The following ASCC3 variants were observed in gnomAD, a reference collection of about 807,000 sequenced individuals.
ASCC3 encodes activating signal cointegrator 1 complex subunit 3.
In ASCC3, 158 loss-of-function variants were observed where a neutral mutation model predicts 256.3. The ratio of observed to expected loss-of-function variants is 0.62; its 90% CI spans 0.54 to 0.70. The LOEUF is 0.70. Among genes scored for constraint, ASCC3 ranks in the 30% least tolerant of loss-of-function variants. The pLI, the probability that ASCC3 is intolerant of heterozygous loss-of-function variation, is 0.00. For synonymous variants in ASCC3, 948 were observed against 883.4 expected (o/e 1.07, Z -1.30); for missense variants, 2,259 against 2,626.0 (o/e 0.86, Z 3.05).
Position 100,519,106 on chromosome 6 carries a change from C to CTA in ASCC3, c.5776-966_5776-965dup, listed in dbSNP as rs557802721. 7.2e-5 allele frequency among the ~76,000 whole-genome samples: 11 copies of CTA among 152,096 alleles called. No individual in the cohort carries two copies. The East Asian group carries it at 2.1e-3, about 29-fold the overall frequency. On this transcript the variant is annotated intron_variant, in intron 37 of 41. Transcript: ENST00000369162. The stretch of plus-strand genomic sequence containing the variant: ...ATACTATGTTGTAAAAATTAATTTG[C>CTA]TATACTACTTAGTACTGTTGATAGA...
chr6:100,777,485 TCAA>T (rs1700626794), intron 8 of ASCC3, among the ~76,000 whole-genome samples: 2 of 151,976 alleles, frequency 1.3e-5, no homozygotes, highest in Admixed American at 6.6e-5. Context: ...CAAAAAAAAA[TCAA>T]CATGTTTACT....
intron 3 of ASCC3, among the ~76,000 whole-genome samples, chr6:100,851,397 C>T (rs1044609124): frequency 5.3e-5 from 8 of 152,104 alleles, no homozygotes; most frequent in Admixed American, 1.3e-4. Flanking sequence ...TGGTTGAATT[C>T]TGATATAGCC....
chr6:100,573,226 A>G (rs1339229280), intron 36 of ASCC3, among the ~76,000 whole-genome samples: 5 of 152,142 alleles, frequency 3.3e-5, no homozygotes, highest in Admixed American at 3.3e-4. Context: ...CTTTCTGAGG[A>G]TAAAAAGTAG....
At chr6:100,831,477 G>T (rs116325788) in intron 4 of ASCC3, among the ~76,000 whole-genome samples, 125 of 152,282 alleles carry the variant, frequency 8.2e-4, no homozygotes, top group African/African-American at 2.8e-3. Flanking sequence ...GGACAGCTAG[G>T]CCAGTAGTTT....
intron 7 of ASCC3, among the ~76,000 whole-genome samples, 176 bp downstream of exon 7, chr6:100,799,255 T>C (rs982545660): frequency 1.3e-5 from 2 of 152,068 alleles, no homozygotes; most frequent in African/African-American, 4.8e-5. Flanking sequence ...GTTCTGAATA[T>C]CTACTATATG....
chr6:100,651,866 T>A (rs1408128307), intron 18 of ASCC3, among the ~76,000 whole-genome samples: 1 of 151,950 alleles, frequency 6.6e-6, no homozygotes, highest in East Asian at 1.9e-4. Flanking sequence ...AAGGAAGATC[T>A]TTAGCAGCAA....
intron 36 of ASCC3, among the ~76,000 whole-genome samples, chr6:100,577,916 T>C (rs940088059): frequency 4.6e-5 from 7 of 151,938 alleles, no homozygotes; most frequent in Admixed American, 3.3e-4. Flanking sequence ...CGAAATTGAG[T>C]ATGAAAAAAT....
intron 30 of ASCC3, among the ~76,000 whole-genome samples, chr6:100,617,539 T>C (rs1773730913): frequency 6.6e-6 from 1 of 152,124 alleles, no homozygotes; most frequent in Admixed American, 6.5e-5. Flanking sequence ...GTATATGCTA[T>C]TTGCTTCTAT....
chr6:100,838,211 T>A (rs964647714), intron 4 of ASCC3, among the ~76,000 whole-genome samples: 1 of 152,040 alleles, frequency 6.6e-6, no homozygotes, highest in Non-Finnish European at 1.5e-5. Context: ...AATTTTAGAT[T>A]TGCATGTGAA....
In ASCC3 at chr6:100,848,259, G is replaced by A; in HGVS notation, c.690C>T (p.Tyr230=). Reference sequence around the variant, plus strand: ...TCATTTCCTTCAAAGTTGAATTTAGGTACTTTTCAACTTCACACCACAAAA... The same window carrying A: ...TCATTTCCTTCAAAGTTGAATTTAGATACTTTTCAACTTCACACCACAAAA... The part of the protein sequence containing the change: ...GSFLWCEVEK[Y]LNSTLKEMTE... The change falls in exon 4 of 42, where the codon TAC becomes TAT. Residue 230 remains tyrosine (Y), a synonymous_variant. Transcript: ENST00000369162. 1.2e-6 allele frequency: 2 copies of A among 1,613,942 alleles called. No individual in the cohort carries two copies. The highest frequency in any genetic ancestry group is 1.7e-6 in the Non-Finnish European group (2 of 1,179,952).
chr6:100,582,489 G>A (rs1264187659), intron 36 of ASCC3, among the ~76,000 whole-genome samples: 2 of 151,694 alleles, frequency 1.3e-5, no homozygotes, highest in Non-Finnish European at 2.9e-5. Flanking sequence ...ATTTTGGGCT[G>A]AGACAATGGG....
chr6:100,648,667 A>G (rs1775506947), intron 20 of ASCC3, among the ~76,000 whole-genome samples: 1 of 151,898 alleles, frequency 6.6e-6, no homozygotes, highest in African/African-American at 2.4e-5. Context: ...TAATAAATAA[A>G]ATTTTGATTA....
At chr6:100,687,829 G>C (rs1023558761) in intron 13 of ASCC3, among the ~76,000 whole-genome samples, 1 of 152,032 alleles carries the variant, frequency 6.6e-6, no homozygotes, top group African/African-American at 2.4e-5. Context: ...AGCAGTTCAA[G>C]GGAAAGTATC....
intron 4 of ASCC3, among the ~76,000 whole-genome samples, chr6:100,835,443 A>G (rs1771828290): frequency 6.6e-6 from 1 of 152,048 alleles, no homozygotes; most frequent in East Asian, 1.9e-4. Flanking sequence ...TTTTGAGTTG[A>G]TTTTTGTACA....
chr6:100,824,628 C>T (rs568048872), intron 4 of ASCC3, among the ~76,000 whole-genome samples: 4 of 152,204 alleles, frequency 2.6e-5, no homozygotes, highest in South Asian at 2.1e-4. Flanking sequence ...GATTGTTCAT[C>T]GCTCTCCCCT....
chr6:100,630,611 C>T (rs950672876), intron 26 of ASCC3, among the ~76,000 whole-genome samples: 18 of 151,234 alleles, frequency 1.2e-4, no homozygotes, highest in Non-Finnish European at 2.4e-4. Flanking sequence ...TGATGCTCTA[C>T]TGGAAATTCG....
chr6:100,793,230 T>C (rs1191334366), intron 8 of ASCC3, among the ~76,000 whole-genome samples: 1 of 152,028 alleles, frequency 6.6e-6, no homozygotes, highest in African/African-American at 2.4e-5. Flanking sequence ...AGTGTGACTT[T>C]TACTTTGGCT....
chr6:100,528,970 C>T (rs1221589585), intron 37 of ASCC3, among the ~76,000 whole-genome samples: 1 of 152,146 alleles, frequency 6.6e-6, no homozygotes, highest in Non-Finnish European at 1.5e-5. Context: ...CAAGGAACCT[C>T]TGAGATTGCC....
intron 30 of ASCC3, among the ~76,000 whole-genome samples, chr6:100,623,436 C>T (rs936996807): frequency 6.6e-6 from 1 of 152,148 alleles, no homozygotes; most frequent in Non-Finnish European, 1.5e-5. Context: ...TATCAGTTAA[C>T]TATTACACAA....
Sources: allele counts gnomAD v4.1 joint callset (sites outside exome capture counted in the v4.1 genomes callset), GRCh38; gene constraint gnomAD v4.1.1; transcripts MANE v1.5; gene names NCBI Gene and HGNC (gene_info 2026-07-23, HGNC 2026-07-21).